The following RTN1 variants were observed in gnomAD, a reference collection of about 807,000 sequenced individuals.
RTN1 encodes the protein reticulon 1, also known as reticulon-1.
RTN1 carries 25 observed loss-of-function variants against 65.5 expected under a neutral mutation model. The observed-to-expected ratio is 0.38, with a 90% confidence interval of 0.28 to 0.53. RTN1 has a LOEUF of 0.53. RTN1 is among the 20% of genes least tolerant of loss of function. RTN1 has a pLI of 0.79. For synonymous variants in RTN1, 471 were observed against 447.6 expected (o/e 1.05, Z -0.66); for missense variants, 983 against 1,025.4 (o/e 0.96, Z 0.57).
chr14:59,602,121 TCA>T (rs1881597898), intron 8 of RTN1, among the ~76,000 whole-genome samples: 1 of 152,152 alleles, frequency 6.6e-6, no homozygotes. Context: ...CTGAAGCACA[TCA>T]CATATAATCT....
At position 59,790,741 on chromosome 14, in the gene RTN1, A is replaced by T. The variant is rs1886333068; in HGVS notation, c.242-44260T>A. Among the ~76,000 whole-genome samples the T allele has an allele frequency of 6.6e-6, 1 of 151,626 alleles. No homozygotes were observed. The highest frequency in any genetic ancestry group is 2.1e-4 in the South Asian group (1 of 4,810). On this transcript the variant is annotated intron_variant, in intron 1 of 8. Transcript: ENST00000267484. The surrounding 1 kb of genome is among the most constrained non-coding windows in gnomAD (Gnocchi z 4.1). Reference sequence around the variant, plus strand: ...ATGTTTTTTCTTTTTCATTTGTTCTATTTCCTACCCCAGATATACTGATTT... The same window carrying T: ...ATGTTTTTTCTTTTTCATTTGTTCTTTTTCCTACCCCAGATATACTGATTT...
At chr14:59,750,292 TATCTATAATATATA>T (rs1885453739) in intron 1 of RTN1, among the ~76,000 whole-genome samples, 1 of 68,952 alleles carries the variant, frequency 1.5e-5, no homozygotes, top group African/African-American at 6.0e-5. Flanking sequence ...ATATATATAA[TATCTATAATATATA>T]ATATATAATA....
intron 1 of RTN1, among the ~76,000 whole-genome samples, chr14:59,796,588 C>T (rs900406465): frequency 6.6e-6 from 1 of 152,152 alleles, no homozygotes; most frequent in Non-Finnish European, 1.5e-5. Context: ...CTTGTAGTTG[C>T]ATGAACATTC....
Position 59,803,560 on chromosome 14 carries a change from C to T in RTN1, c.242-57079G>A, listed in dbSNP as rs1421571473. 1.3e-5 allele frequency among the ~76,000 whole-genome samples: 2 copies of T among 152,058 alleles called. No individual in the cohort carries two copies. The highest frequency in any genetic ancestry group is 2.1e-4 in the South Asian group (1 of 4,812). ...CATATAATTCAGAGGGGTGTGAGAT[C>T]TCCCAGAATTTTCCTACCTGGGAAA... On this transcript the variant is annotated intron_variant, in intron 1 of 8. Coordinates refer to ENST00000267484, the MANE Select transcript of RTN1 (RefSeq NM_021136.3). This position sits in a 1 kb window ranked among gnomAD's most constrained non-coding sequence, Gnocchi z 5.6.
At chr14:59,749,220 C>CTATATATCTA (rs1314121767) in intron 1 of RTN1, among the ~76,000 whole-genome samples, 782 of 55,816 alleles carry the variant, frequency 0.014, 113 homozygotes, top group Non-Finnish European at 0.019. Context: ...CTATATATAT[C>CTATATATCTA]TATATATCTA....
At chr14:59,618,340 T>G (rs923247433) in intron 3 of RTN1, among the ~76,000 whole-genome samples, 8 of 152,232 alleles carry the variant, frequency 5.3e-5, no homozygotes, top group African/African-American at 1.4e-4. Flanking sequence ...CTGCACTTGA[T>G]GGATCAGCTG....
intron 3 of RTN1, among the ~76,000 whole-genome samples, chr14:59,615,892 GT>G (rs1194601583): frequency 6.6e-6 from 1 of 151,994 alleles, no homozygotes; most frequent in Admixed American, 6.6e-5. Context: ...TAGAGTAAAG[GT>G]TTTTCTTTTT....
chr14:59,833,882 A>G (rs1254566913), intron 1 of RTN1, among the ~76,000 whole-genome samples: 1 of 152,238 alleles, frequency 6.6e-6, no homozygotes, highest in Non-Finnish European at 1.5e-5. Context: ...TCTTCTAAAC[A>G]ACCAATAATT....
intron 3 of RTN1, among the ~76,000 whole-genome samples, chr14:59,682,041 T>G (rs1883755479): frequency 6.6e-6 from 1 of 152,186 alleles, no homozygotes; most frequent in Non-Finnish European, 1.5e-5. Flanking sequence ...TGCTACCCTT[T>G]AAGAAGCTAG....
intron 1 of RTN1, among the ~76,000 whole-genome samples, chr14:59,806,923 T>G (rs927549166): frequency 6.6e-6 from 1 of 152,224 alleles, no homozygotes; most frequent in African/African-American, 2.4e-5. Flanking sequence ...TAAAACAACA[T>G]TTTTAAATGG....
chr14:59,641,857 A>T (rs958880353), intron 3 of RTN1, among the ~76,000 whole-genome samples: 1 of 152,242 alleles, frequency 6.6e-6, no homozygotes, highest in Admixed American at 6.5e-5. Flanking sequence ...TATAAACACC[A>T]AATTATATAA....
At position 59,737,366 on chromosome 14, in the gene RTN1, C is replaced by T. The variant is rs192378155; in HGVS notation, c.1015+8342G>A. Among the ~76,000 whole-genome samples the T allele has an allele frequency of 4.4e-3, 669 of 152,158 alleles. 2 individuals carry two copies. Among genetic ancestry groups the T allele is most frequent in the Middle Eastern group, 0.014 (4 of 294 alleles). Reference sequence around the variant, plus strand: ...GAAAATTGCTAGCATTCCTATACAGCAACAACAGGCAAGCAGAGAGCCAAA... The same window carrying T: ...GAAAATTGCTAGCATTCCTATACAGTAACAACAGGCAAGCAGAGAGCCAAA... On this transcript the variant is annotated intron_variant, in intron 2 of 8. Coordinates refer to ENST00000267484, the MANE Select transcript of RTN1 (RefSeq NM_021136.3).
chr14:59,813,263 A>T (rs1039247898), intron 1 of RTN1, among the ~76,000 whole-genome samples: 23 of 152,318 alleles, frequency 1.5e-4, no homozygotes, highest in African/African-American at 5.3e-4. Context: ...GCACACATTA[A>T]ATTGGAAACT....
intron 1 of RTN1, among the ~76,000 whole-genome samples, chr14:59,853,863 C>CT (rs71111670): frequency 0.011 from 1,434 of 126,682 alleles, 21 homozygotes; most frequent in African/African-American, 0.024. Flanking sequence ...TAAACTTTTA[C>CT]TTTTTTTTTT....
intron 3 of RTN1, among the ~76,000 whole-genome samples, chr14:59,696,472 T>A (rs1884064950): frequency 6.6e-6 from 1 of 152,062 alleles, no homozygotes; most frequent in Non-Finnish European, 1.5e-5. Flanking sequence ...TAATTACTTT[T>A]TTTTTTTTTT....
intron 1 of RTN1, among the ~76,000 whole-genome samples, chr14:59,751,088 A>G (rs936019125): frequency 2.0e-5 from 3 of 150,584 alleles, no homozygotes; most frequent in Non-Finnish European, 4.4e-5. Context: ...AGGTTAGAAG[A>G]TTCCCCCAAA....
chr14:59,848,783 T>C (rs963943469), intron 1 of RTN1, among the ~76,000 whole-genome samples: 2 of 152,232 alleles, frequency 1.3e-5, no homozygotes, highest in African/African-American at 4.8e-5. Context: ...CAAGGAATTA[T>C]AGAGACTATT....
chr14:59,743,276 C>G (rs148827363), intron 2 of RTN1, among the ~76,000 whole-genome samples: 11 of 152,106 alleles, frequency 7.2e-5, no homozygotes, highest in Admixed American at 6.5e-5. Context: ...ATTAATGGAC[C>G]CTTTGTCAAG....
At chr14:59,663,791 C>T (rs1471290223) in intron 3 of RTN1, among the ~76,000 whole-genome samples, 3 of 152,130 alleles carry the variant, frequency 2.0e-5, no homozygotes, top group African/African-American at 7.2e-5. Context: ...CATCTCATGC[C>T]AGTTAGAATG....
Sources: allele counts gnomAD v4.1 joint callset (sites outside exome capture counted in the v4.1 genomes callset), GRCh38; gene constraint gnomAD v4.1.1; non-coding constraint Gnocchi (gnomAD v3.1); transcripts MANE v1.5; gene names NCBI Gene and HGNC (gene_info 2026-07-23, HGNC 2026-07-21).